Variants in GRIA4 observed in about 807,000 individuals in gnomAD.
GRIA4 encodes glutamate ionotropic receptor AMPA type subunit 4, also known as glutamate receptor 4.
In GRIA4, 34 loss-of-function variants were observed where a neutral mutation model predicts 104.0. The observed-to-expected ratio is 0.33, with a 90% CI of 0.25 to 0.44. The LOEUF (loss-of-function observed/expected upper bound fraction) is 0.44. Ranked by LOEUF, GRIA4 falls within the 20% of genes least tolerant of loss-of-function variation. The pLI, the probability that GRIA4 is intolerant of heterozygous loss-of-function variation, is 1.00. For synonymous variants in GRIA4, 386 were observed against 381.9 expected (o/e 1.01, Z -0.13); for missense variants, 750 against 1,096.5 (o/e 0.68, Z 4.46).
chr11:105,907,968 A>G (rs1947104214), intron 9 of GRIA4, among the ~76,000 whole-genome samples: 2 of 152,076 alleles, frequency 1.3e-5, no homozygotes, highest in South Asian at 4.1e-4. Flanking sequence ...CTCAGGTTTC[A>G]AGATCTTGAA....
intron 3 of GRIA4, among the ~76,000 whole-genome samples, chr11:105,710,201 C>T (rs535588702): frequency 1.8e-4 from 28 of 152,084 alleles, no homozygotes; most frequent in African/African-American, 5.5e-4. Context: ...TACCTTGCTG[C>T]GATACATGTC....
intron 3 of GRIA4, among the ~76,000 whole-genome samples, chr11:105,653,933 A>G (rs959630212): frequency 6.7e-6 from 1 of 150,192 alleles, no homozygotes; most frequent in Non-Finnish European, 1.5e-5. Context: ...ATGACCTGAA[A>G]AAATAAGAAC....
chr11:105,631,951 C>A (rs1319534820), intron 3 of GRIA4, among the ~76,000 whole-genome samples: 1 of 151,974 alleles, frequency 6.6e-6, no homozygotes, highest in African/African-American at 2.4e-5. Context: ...AAATAAAAAA[C>A]CCTAAGCTAC....
intron 3 of GRIA4, among the ~76,000 whole-genome samples, chr11:105,697,688 C>G (rs577874151): frequency 1.3e-5 from 2 of 152,256 alleles, no homozygotes; most frequent in East Asian, 3.9e-4. Context: ...TTATTTCGTT[C>G]CACTGTGTGC....
intron 3 of GRIA4, among the ~76,000 whole-genome samples, chr11:105,704,018 A>C (rs901574956): frequency 4.6e-5 from 7 of 152,104 alleles, no homozygotes; most frequent in African/African-American, 1.7e-4. Context: ...TTATATCTAT[A>C]ATTCATTATT....
At chr11:105,835,709 AC>A (rs1372119410) in intron 4 of GRIA4, among the ~76,000 whole-genome samples, 2 of 152,094 alleles carry the variant, frequency 1.3e-5, no homozygotes, top group Admixed American at 1.3e-4. Context: ...CTTTTAATCA[AC>A]ATGAAAAAGA....
chr11:105,775,683 A>T (rs143809248), intron 4 of GRIA4, among the ~76,000 whole-genome samples: 1,535 of 152,216 alleles, frequency 0.01, 24 homozygotes, highest in African/African-American at 0.034. Flanking sequence ...ATTCCATAAA[A>T]TAAAACATAT....
Position 105,654,169 on chromosome 11 carries a change from A to T in GRIA4, c.247+41735A>T, listed in dbSNP as rs73627616. Among the ~76,000 whole-genome samples, 723 of 152,084 alleles carry T rather than the reference A, an allele frequency of 4.8e-3. 9 individuals carry two copies. The highest frequency in any genetic ancestry group is 0.017 in the African/African-American group (690 of 41,490). On this transcript the variant is annotated intron_variant, in intron 3 of 16. Coordinates refer to ENST00000282499, the MANE Select transcript of GRIA4 (RefSeq NM_000829.4). ...ATTCATAGAAGCAGAGAGTAAGGTA[A>T]TGGTTAGCAGAGGTTTGTGGGATGG...
At chr11:105,698,272 T>C (rs1474653051) in intron 3 of GRIA4, among the ~76,000 whole-genome samples, 2 of 152,204 alleles carry the variant, frequency 1.3e-5, no homozygotes, top group Admixed American at 1.3e-4. Context: ...GACATATAAT[T>C]AATGTAATTA....
chr11:105,966,733 CA>C (rs1284448053), intron 14 of GRIA4, among the ~76,000 whole-genome samples: 1 of 151,982 alleles, frequency 6.6e-6, no homozygotes, highest in African/African-American at 2.4e-5. Flanking sequence ...ATCTAAAGAA[CA>C]AAAAAGTAGG....
chr11:105,749,275 G>A lies in GRIA4; in HGVS notation c.248-3706G>A, dbSNP rs79668866. Among the ~76,000 whole-genome samples, 1,032 of 152,284 alleles carry A rather than the reference G, an allele frequency of 6.8e-3. 9 individuals carry two copies. Among genetic ancestry groups the A allele is most frequent in the Non-Finnish European group, 9.4e-3 (639 of 68,000 alleles). The stretch of plus-strand genomic sequence containing the variant: ...GGTGGCTGGAAAATGCGGAAGCCAG[G>A]TAGATGAATTGAAAAGAGTGTGAAC... On this transcript the variant is annotated intron_variant, in intron 3 of 16. Coordinates refer to ENST00000282499, the MANE Select transcript of GRIA4 (RefSeq NM_000829.4).
chr11:105,924,599 C>T lies in GRIA4; in HGVS notation c.1677C>T (p.Ser559=), dbSNP rs756456340. The T allele has an allele frequency of 8.7e-6, 14 of 1,612,386 alleles. No homozygotes were observed. In the East Asian group the frequency reaches 1.6e-4, roughly 18 times the overall value. ...MCIVFAYIGV[S]VVLFLVSRFS... ...TAGTCTTTGCCTACATTGGTGTCAGCGTGGTCTTATTCCTAGTTAGTAGAT... is the reference window on the plus strand; with the variant it reads ...TAGTCTTTGCCTACATTGGTGTCAGTGTGGTCTTATTCCTAGTTAGTAGAT... Residue 559 remains serine (S), a synonymous_variant, in exon 12 of 17, where the codon AGC becomes AGT. Transcript: ENST00000282499.
intron 4 of GRIA4, among the ~76,000 whole-genome samples, chr11:105,809,784 A>T (rs1943101907): frequency 6.6e-6 from 1 of 152,036 alleles, no homozygotes; most frequent in Admixed American, 6.6e-5. Context: ...GTCTCAGGTA[A>T]TATCTTTATA....
intron 4 of GRIA4, among the ~76,000 whole-genome samples, chr11:105,844,485 A>G (rs969916145): frequency 6.6e-5 from 10 of 152,352 alleles, no homozygotes; most frequent in African/African-American, 2.4e-4. Context: ...TGCAGGGAAT[A>G]AAATGAAAAT....
In GRIA4 at chr11:105,778,296, T is replaced by C. The variant is rs78881624; in HGVS notation, c.487+25076T>C. On this transcript the variant is annotated intron_variant, in intron 4 of 16. Transcript: ENST00000282499. ...ATTATAAATACAGGGATTCAGTTAA[T>C]GGATTGGACAGTCAGGGAAGGGGAT... 2.2e-3 allele frequency among the ~76,000 whole-genome samples: 328 copies of C among 152,346 alleles called. 8 individuals are homozygous for C. The East Asian group carries it at 0.053, about 25-fold the overall frequency.
chr11:105,837,075 G>A (rs1256565235), intron 4 of GRIA4, among the ~76,000 whole-genome samples: 2 of 133,946 alleles, frequency 1.5e-5, no homozygotes, highest in Admixed American at 7.6e-5. Flanking sequence ...ACATAATGGC[G>A]GGCAAGAGAG....
chr11:105,750,522 T>C (rs1052557241), intron 3 of GRIA4, among the ~76,000 whole-genome samples: 11 of 152,044 alleles, frequency 7.2e-5, no homozygotes, highest in Admixed American at 4.6e-4. Context: ...AAATGTATGA[T>C]GATGCAAATG....
intron 3 of GRIA4, among the ~76,000 whole-genome samples, chr11:105,637,264 A>T (rs976026642): frequency 3.3e-5 from 5 of 152,210 alleles, no homozygotes; most frequent in Admixed American, 6.5e-5. Context: ...TATTAACAAT[A>T]GAATTCTACA....
intron 3 of GRIA4, among the ~76,000 whole-genome samples, chr11:105,743,779 C>T (rs1210294833): frequency 6.6e-6 from 1 of 152,182 alleles, no homozygotes; most frequent in Non-Finnish European, 1.5e-5. Flanking sequence ...GGTGATACCA[C>T]CGCTATCCAT....
Sources: gnomAD v4.1 joint callset for allele counts (sites outside exome capture counted in the v4.1 genomes callset) on GRCh38, gnomAD v4.1.1 for gene constraint, MANE v1.5 for transcripts, NCBI Gene and HGNC (gene_info 2026-07-23, HGNC 2026-07-21) for gene names.